Variants in CLDN10 observed in about 807,000 individuals in gnomAD.
The protein encoded by CLDN10 is claudin-10.
CLDN10 carries 15 observed loss-of-function variants against 22.9 expected under a neutral mutation model. The observed-to-expected ratio is 0.65, with a 90% CI of 0.44 to 1.01. The LOEUF (loss-of-function observed/expected upper bound fraction) is 1.01. Among genes scored for constraint, CLDN10 ranks in the 50% least tolerant of loss-of-function variants. The probability of loss-of-function intolerance (pLI) is 0.00; values close to 1 mark genes in which losing one functional copy is unlikely to be tolerated. For missense variants in CLDN10, 247 were observed against 287.8 expected (o/e 0.86, Z 1.03); for synonymous variants, 114 against 111.4 (o/e 1.02, Z -0.15).
intron 1 of CLDN10, among the ~76,000 whole-genome samples, chr13:95,495,420 T>C (rs937398933): frequency 1.3e-5 from 2 of 151,986 alleles, no homozygotes; most frequent in Admixed American, 6.6e-5. Context: ...GAGCCTTTTA[T>C]TTGAGTCCAT....
chr13:95,500,007 G>A (rs923314484), intron 1 of CLDN10, among the ~76,000 whole-genome samples: 4 of 152,188 alleles, frequency 2.6e-5, no homozygotes, highest in Non-Finnish European at 5.9e-5. Flanking sequence ...AGCCATCCTT[G>A]GCCCACAGGC....
intron 3 of CLDN10, among the ~76,000 whole-genome samples, chr13:95,568,666 C>T (rs1255802254): frequency 1.3e-5 from 2 of 152,094 alleles, no homozygotes; most frequent in East Asian, 1.9e-4. Context: ...CTAAACAAGA[C>T]CACAAGCATC....
intron 1 of CLDN10, among the ~76,000 whole-genome samples, chr13:95,490,432 G>A (rs1045386468): frequency 1.1e-4 from 17 of 151,912 alleles, no homozygotes; most frequent in African/African-American, 4.1e-4. Context: ...GAGGCCTTTC[G>A]ACTCTGTATC....
intron 1 of CLDN10, among the ~76,000 whole-genome samples, chr13:95,542,301 C>G (rs1011379327): frequency 6.6e-6 from 1 of 152,160 alleles, no homozygotes; most frequent in Non-Finnish European, 1.5e-5. Flanking sequence ...CAGATCCAAA[C>G]CTTATCAGCA....
intron 3 of CLDN10, among the ~76,000 whole-genome samples, chr13:95,564,137 A>G (rs2043753523): frequency 6.6e-6 from 1 of 152,216 alleles, no homozygotes; most frequent in Non-Finnish European, 1.5e-5. Context: ...GGAATGTTCT[A>G]TGTCTTTGGT....
chr13:95,484,552 G>A (rs1252492558), intron 1 of CLDN10, among the ~76,000 whole-genome samples: 1 of 152,044 alleles, frequency 6.6e-6, no homozygotes, highest in Admixed American at 6.6e-5. Flanking sequence ...GTGTAAAGAA[G>A]CAGGATGAGG....
intron 1 of CLDN10, among the ~76,000 whole-genome samples, chr13:95,503,977 T>C (rs1272545398): frequency 6.6e-6 from 1 of 152,212 alleles, no homozygotes; most frequent in Non-Finnish European, 1.5e-5. Flanking sequence ...ATAATAAATT[T>C]TATGTTACCT....
intron 1 of CLDN10, among the ~76,000 whole-genome samples, chr13:95,454,040 C>T (rs765396619): frequency 2.4e-4 from 36 of 152,120 alleles, no homozygotes; most frequent in Non-Finnish European, 8.8e-5. Context: ...AATTTATCTT[C>T]GGACAAGTGT....
chr13:95,434,910 C>T (rs9561878), intron 1 of CLDN10, among the ~76,000 whole-genome samples: 83,140 of 151,596 alleles, frequency 0.55, 24,235 homozygotes, highest in African/African-American at 0.76. Context: ...TAAAACAAAA[C>T]GAAACAAAAA....
At position 95,464,254 on chromosome 13, in the gene CLDN10, T is replaced by TC. The variant is rs2042563641; in HGVS notation, c.214+30212dup. ...TCTCCTAATGCTATCCCTCCCGCCTTCCCCCACCCCACAACAGGCCCCGGT... is the reference window on the plus strand; with the variant it reads ...TCTCCTAATGCTATCCCTCCCGCCTTCCCCCCACCCCACAACAGGCCCCGGT... On this transcript the variant is annotated intron_variant, in intron 1 of 4. Transcript: ENST00000376873. 2.0e-5 allele frequency among the ~76,000 whole-genome samples: 3 copies of TC among 151,896 alleles called. No homozygotes were observed. In the South Asian group the frequency reaches 6.3e-4, roughly 32 times the overall value.
chr13:95,495,759 GA>G (rs796410360), intron 1 of CLDN10, among the ~76,000 whole-genome samples: 18 of 124,224 alleles, frequency 1.4e-4, no homozygotes, highest in African/African-American at 4.4e-4. Flanking sequence ...AAAAAAAAAA[GA>G]AAAGAAAGAA....
At chr13:95,558,627 A>G (rs772707225) in intron 1 of CLDN10, among the ~76,000 whole-genome samples, 5 of 152,212 alleles carry the variant, frequency 3.3e-5, no homozygotes, top group Non-Finnish European at 7.3e-5. Flanking sequence ...ATTCTTTTCC[A>G]AAGAAACACA....
At chr13:95,468,260 T>A (rs2042598367) in intron 1 of CLDN10, among the ~76,000 whole-genome samples, 1 of 152,050 alleles carries the variant, frequency 6.6e-6, no homozygotes, top group African/African-American at 2.4e-5. Flanking sequence ...TTGGTAATTG[T>A]CTTACCTCTG....
intron 1 of CLDN10, among the ~76,000 whole-genome samples, chr13:95,477,448 T>C (rs2042695436): frequency 6.6e-6 from 1 of 152,066 alleles, no homozygotes. Flanking sequence ...TTGGTTTTCA[T>C]TTGAAAAGCA....
intron 1 of CLDN10, among the ~76,000 whole-genome samples, chr13:95,528,116 T>G (rs973121708): frequency 1.3e-5 from 2 of 152,172 alleles, no homozygotes; most frequent in Non-Finnish European, 2.9e-5. Context: ...ATATACAAGT[T>G]GATATGGTTT....
chr13:95,472,669 C>CA (rs35872345), intron 1 of CLDN10, among the ~76,000 whole-genome samples: 1,696 of 106,206 alleles, frequency 0.016, 39 homozygotes, highest in African/African-American at 0.049. Flanking sequence ...GACTCCGTCT[C>CA]AAAAAAAAAA....
chr13:95,473,954 CT>C (rs1232209905), intron 1 of CLDN10, among the ~76,000 whole-genome samples: 3 of 152,204 alleles, frequency 2.0e-5, no homozygotes, highest in South Asian at 4.1e-4. Flanking sequence ...GGTCCCCAAC[CT>C]TTTTGGCACC....
intron 1 of CLDN10, among the ~76,000 whole-genome samples, chr13:95,455,502 T>G (rs1222179146): frequency 6.6e-6 from 1 of 152,230 alleles, no homozygotes; most frequent in Non-Finnish European, 1.5e-5. Flanking sequence ...GAACAGAAAC[T>G]GTGGCTTATA....
chr13:95,453,868 A>C (rs185196023), intron 1 of CLDN10, among the ~76,000 whole-genome samples: 1 of 152,124 alleles, frequency 6.6e-6, no homozygotes, highest in East Asian at 1.9e-4. Context: ...TAATCCCAGC[A>C]CTCTGGGAGG....
Sources: allele counts gnomAD v4.1 joint callset (sites outside exome capture counted in the v4.1 genomes callset), GRCh38; gene constraint gnomAD v4.1.1; transcripts MANE v1.5; gene names NCBI Gene and HGNC (gene_info 2026-07-23, HGNC 2026-07-21).